The following MALRD1 variants were observed in gnomAD, a reference collection of about 807,000 sequenced individuals.
MALRD1 encodes the protein MAM and LDL-receptor class A domain-containing protein 1.
Under a neutral mutation model 242.1 loss-of-function variants are expected in MALRD1, and 247 were observed. The observed-to-expected ratio is 1.02, with a 90% CI of 0.92 to 1.13. The LOEUF (loss-of-function observed/expected upper bound fraction) is 1.13. Among genes scored for constraint, MALRD1 ranks in the 50% most tolerant of loss-of-function variants. The pLI is 0.00. For synonymous variants in MALRD1, 995 were observed against 866.6 expected (o/e 1.15, Z -2.60); for missense variants, 2,989 against 2,533.1 (o/e 1.18, Z -3.86).
At chr10:19,281,487 G>A in intron 20 of MALRD1, among the ~76,000 whole-genome samples, 1 of 152,142 alleles carries the variant, frequency 6.6e-6, no homozygotes, top group East Asian at 1.9e-4. Context: ...TCCTAAATGA[G>A]TGCCTACTAT....
intron 33 of MALRD1, among the ~76,000 whole-genome samples, chr10:19,586,720 C>T (rs959833256): frequency 7.2e-5 from 11 of 152,266 alleles, no homozygotes; most frequent in African/African-American, 2.2e-4. Flanking sequence ...CCTACAGAGG[C>T]CCGCAGGCCT....
At chr10:19,196,028 G>C (rs1836226551) in intron 14 of MALRD1, among the ~76,000 whole-genome samples, 1 of 152,002 alleles carries the variant, frequency 6.6e-6, no homozygotes, top group South Asian at 2.1e-4. Context: ...AGAAGTTCCA[G>C]CACCACTTCT....
chr10:19,727,324 AG>A (rs1402908093), intron 38 of MALRD1, among the ~76,000 whole-genome samples: 7 of 152,078 alleles, frequency 4.6e-5, no homozygotes, highest in Non-Finnish European at 1.0e-4. Flanking sequence ...TAATAGTTTC[AG>A]ACTATTATAA....
chr10:19,175,309 G>T lies in MALRD1; in HGVS notation c.1932G>T (p.Arg644Ser), dbSNP rs1348233588. The change falls in exon 14 of 40, where the codon AGG (arginine) becomes AGT (serine). Residue 644 changes from arginine to serine, a missense_variant. By Grantham distance (110) the Arg-to-Ser change is moderately radical. Transcript: ENST00000454679. ...AAATTTCCTATAAATCACTACCAAG[G>T]ACCAGTACACAAAGCAAGTGTAAGT... is the stretch of plus-strand genomic sequence containing the variant. ...ECEISYKSLPRTSTQSKFSKC... is the reference protein window; with the variant it reads ...ECEISYKSLPSTSTQSKFSKC... 1 of 1,230,292 alleles carries T rather than the reference G, an allele frequency of 8.1e-7. No individual in the cohort carries two copies. Among genetic ancestry groups the T allele is most frequent in the East Asian group, 3.2e-5 (1 of 31,556 alleles). The allele number at this position is 1,230,292 out of a possible 1,614,324, so 76.2% of individuals were successfully genotyped here. A position where few individuals can be genotyped will look rare whatever the true frequency, so the allele number is the denominator to read the frequency against.
chr10:19,389,116 T>G, intron 27 of MALRD1: 1 of 381,280 alleles, frequency 2.6e-6, no homozygotes, highest in Non-Finnish European at 5.2e-6. Context: ...TTAGATTTCA[T>G]TGGTAGTCTT....
chr10:19,293,009 A>G (rs1841524346), intron 21 of MALRD1, among the ~76,000 whole-genome samples: 1 of 151,910 alleles, frequency 6.6e-6, no homozygotes, highest in African/African-American at 2.4e-5. Flanking sequence ...AAGAGAAAAT[A>G]TTATAATTTT....
At chr10:19,561,045 C>A (rs1393275250) in intron 32 of MALRD1, among the ~76,000 whole-genome samples, 1 of 151,938 alleles carries the variant, frequency 6.6e-6, no homozygotes, top group African/African-American at 2.4e-5. Context: ...TATCTAATGA[C>A]AATTTGGGAA....
intron 30 of MALRD1, among the ~76,000 whole-genome samples, chr10:19,495,319 T>A (rs190129630): frequency 6.6e-6 from 1 of 151,830 alleles, no homozygotes; most frequent in Non-Finnish European, 1.5e-5. Context: ...AGAAAAAAGG[T>A]TAAAGATAGC....
intron 26 of MALRD1, among the ~76,000 whole-genome samples, chr10:19,384,651 AATATAATATTTACTATATATT>A (rs1177151547): frequency 7.9e-4 from 106 of 134,268 alleles, no homozygotes; most frequent in Middle Eastern, 7.6e-3. Flanking sequence ...TAGTATATAT[AATATAATATTTACTATATATT>A]ATATAATATA....
intron 21 of MALRD1, among the ~76,000 whole-genome samples, chr10:19,299,346 A>C (rs1841843798): frequency 6.6e-6 from 1 of 151,956 alleles, no homozygotes; most frequent in Admixed American, 6.6e-5. Flanking sequence ...AGATCTATCA[A>C]ATAGAAAACA....
At chr10:19,512,345 C>A (rs1295682125) in intron 31 of MALRD1, among the ~76,000 whole-genome samples, 1 of 152,186 alleles carries the variant, frequency 6.6e-6, no homozygotes, top group Non-Finnish European at 1.5e-5. Flanking sequence ...GATAAGATTT[C>A]ATAATTGGTG....
chr10:19,414,509 G>A lies in MALRD1; in HGVS notation c.4845+24900G>A, dbSNP rs142815217. ...GTTTTGGAGAAGAAAATGATGAATT[G>A]GTTTTAGATTGCCATGTAATTTTAG... On this transcript the variant is annotated intron_variant, in intron 28 of 39. Coordinates refer to ENST00000454679, the MANE Select transcript of MALRD1 (RefSeq NM_001142308.3). 1.7e-3 allele frequency among the ~76,000 whole-genome samples: 255 copies of A among 152,162 alleles called. 4 individuals are homozygous for A. The highest frequency in any genetic ancestry group is 5.8e-3 in the African/African-American group (240 of 41,508).
intron 38 of MALRD1, among the ~76,000 whole-genome samples, chr10:19,727,364 A>C (rs574123387): frequency 2.2e-4 from 33 of 152,278 alleles, no homozygotes; most frequent in African/African-American, 7.7e-4. Context: ...CAACACTAAA[A>C]CAATGTTGTC....
chr10:19,150,950 G>A (rs1833925542), intron 11 of MALRD1, among the ~76,000 whole-genome samples: 1 of 152,040 alleles, frequency 6.6e-6, no homozygotes, highest in Non-Finnish European at 1.5e-5. Flanking sequence ...ATAATAACTA[G>A]GAGTGAGACT....
At chr10:19,434,463 T>A (rs1194291171) in intron 28 of MALRD1, among the ~76,000 whole-genome samples, 1 of 152,010 alleles carries the variant, frequency 6.6e-6, no homozygotes, top group Admixed American at 6.6e-5. Flanking sequence ...AAATTCAAAA[T>A]ATAATTAACA....
At chr10:19,170,020 C>T (rs1171642095) in intron 13 of MALRD1, among the ~76,000 whole-genome samples, 1 of 152,122 alleles carries the variant, frequency 6.6e-6, no homozygotes, top group East Asian at 1.9e-4. Context: ...CAATTGTAGA[C>T]AATATAACAG....
At chr10:19,451,334 A>T (rs536927179) in intron 29 of MALRD1, among the ~76,000 whole-genome samples, 2 of 152,320 alleles carry the variant, frequency 1.3e-5, no homozygotes, top group South Asian at 2.1e-4. Flanking sequence ...ATGCTACTCC[A>T]GCCTGTGAAC....
At chr10:19,329,305 T>G (rs905561584) in intron 23 of MALRD1, among the ~76,000 whole-genome samples, 4 of 152,156 alleles carry the variant, frequency 2.6e-5, no homozygotes, top group African/African-American at 9.7e-5. Context: ...ATCGTTCTCT[T>G]TAGTCTCACA....
intron 2 of MALRD1, 36 bp from the exon 3 acceptor site, chr10:19,087,803 TG>T: frequency 1.0e-6 from 1 of 981,344 alleles, no homozygotes; most frequent in Non-Finnish European, 1.3e-6. Context: ...TCATTCTTTC[TG>T]GTTTTTTTTT....
Sources: gnomAD v4.1 joint callset for allele counts (sites outside exome capture counted in the v4.1 genomes callset) on GRCh38, gnomAD v4.1.1 for gene constraint, MANE v1.5 for transcripts, NCBI Gene and HGNC (gene_info 2026-07-23, HGNC 2026-07-21) for gene names.